Variants in ATF7 observed in about 807,000 individuals in gnomAD.
The protein encoded by ATF7 is cyclic AMP-dependent transcription factor ATF-7.
A neutral mutation model predicts 50.4 loss-of-function variants in ATF7; 10 were observed. The observed-to-expected ratio is 0.20, with a 90% confidence interval of 0.12 to 0.34. The LOEUF (loss-of-function observed/expected upper bound fraction) is 0.34. ATF7 is among the 10% of genes least tolerant of loss of function. The probability of loss-of-function intolerance (pLI) is 1.00; values close to 1 mark genes in which losing one functional copy is unlikely to be tolerated. For missense variants in ATF7, 465 were observed against 613.9 expected, an observed-to-expected ratio of 0.76 and a Z score of 2.56; for synonymous variants, 201 against 226.4, an observed-to-expected ratio of 0.89 and a Z score of 1.01.
intron 1 of ATF7, among the ~76,000 whole-genome samples, chr12:53,608,370 CA>C (rs1943704910): frequency 6.6e-6 from 1 of 151,956 alleles, no homozygotes; most frequent in African/African-American, 2.4e-5. Flanking sequence ...AAATTAAGTT[CA>C]AAAAGGACCA....
chr12:53,546,383 A>AAAAAACG (rs1939912990), intron 3 of ATF7, among the ~76,000 whole-genome samples: 2 of 152,272 alleles, frequency 1.3e-5, no homozygotes, highest in Admixed American at 6.5e-5. Context: ...CAAAAAAAAC[A>AAAAAACG]AAAAACAGGA....
intron 2 of ATF7, among the ~76,000 whole-genome samples, chr12:53,582,444 T>A (rs1942471475): frequency 6.6e-6 from 1 of 151,612 alleles, no homozygotes; most frequent in African/African-American, 2.4e-5. Context: ...GAGACCAGCC[T>A]GGGGAACATA....
At chr12:53,543,092 T>C (rs1352141764) in intron 4 of ATF7, 5 of 1,397,760 alleles carry the variant, frequency 3.6e-6, no homozygotes, top group Non-Finnish European at 4.6e-6. Context: ...AATACTCCCC[T>C]GGAAGAACAA....
chr12:53,606,981 G>C (rs1943640679), intron 1 of ATF7, among the ~76,000 whole-genome samples: 1 of 151,996 alleles, frequency 6.6e-6, no homozygotes, highest in African/African-American at 2.4e-5. Context: ...ATTTAGGTTG[G>C]TTCCAAGTCT....
At chr12:53,612,207 C>T (rs1358616502) in intron 1 of ATF7, among the ~76,000 whole-genome samples, 1 of 152,100 alleles carries the variant, frequency 6.6e-6, no homozygotes, top group Non-Finnish European at 1.5e-5. Flanking sequence ...AACTCCTGAC[C>T]TCAAGTGATC....
At chr12:53,569,443 T>C (rs1941628004) in intron 2 of ATF7, among the ~76,000 whole-genome samples, 1 of 152,268 alleles carries the variant, frequency 6.6e-6, no homozygotes, top group Admixed American at 6.5e-5. Flanking sequence ...AACTTCTATT[T>C]ACCTTTCAAA....
chr12:53,602,988 TC>T (rs1240658664), intron 1 of ATF7, among the ~76,000 whole-genome samples: 1 of 152,212 alleles, frequency 6.6e-6, no homozygotes, highest in Non-Finnish European at 1.5e-5. Context: ...TCACTACATG[TC>T]CCAGAATCTG....
chr12:53,572,582 A>C lies in ATF7; in HGVS notation c.49-19945T>G, dbSNP rs1000482864. Among the ~76,000 whole-genome samples the C allele has an allele frequency of 5.9e-5, 9 of 152,306 alleles. No homozygotes were observed. The South Asian group carries it at 1.7e-3, about 28-fold the overall frequency. On this transcript the variant is annotated intron_variant, in intron 2 of 11. Transcript: ENST00000420353. ...TTGGCGGGGGGAAAGGGAAAAGTAC[A>C]GTAGCCTCCCCTTACCCGTGGTTTC...
chr12:53,619,035 T>C lies in ATF7; in HGVS notation c.-22+7244A>G, dbSNP rs1193315802. 5.0e-5 allele frequency among the ~76,000 whole-genome samples: 7 copies of C among 139,476 alleles called. No individual in the cohort carries two copies. In the Admixed American group the frequency reaches 5.2e-4, roughly 10 times the overall value. The allele number at this position is 139,476 out of a possible 152,430, so 91.5% of individuals were successfully genotyped here. On this transcript the variant is annotated intron_variant, in intron 1 of 11. Transcript: ENST00000420353. Reference sequence around the variant, plus strand: ...CCACTGCACTCCAGCCTGGCTGACATAGCAAGACTCTGTCTCCAAAAAAAA... The same window carrying C: ...CCACTGCACTCCAGCCTGGCTGACACAGCAAGACTCTGTCTCCAAAAAAAA...
intron 2 of ATF7, among the ~76,000 whole-genome samples, chr12:53,564,042 A>G (rs1941302961): frequency 6.6e-6 from 1 of 152,164 alleles, no homozygotes; most frequent in African/African-American, 2.4e-5. Flanking sequence ...TCACTTTCTT[A>G]GGGTATCTGA....
At position 53,524,602 on chromosome 12, in the gene ATF7, T is replaced by C; in HGVS notation, c.1087A>G (p.Lys363Glu). The C allele has an allele frequency of 6.2e-7, 1 of 1,613,990 alleles. No homozygotes were observed. Among genetic ancestry groups the C allele is most frequent in the Non-Finnish European group, 8.5e-7 (1 of 1,179,896 alleles). Residue 363 changes from lysine to glutamate, a missense_variant, in exon 10 of 12, where the codon AAG becomes GAG. Transcript: ENST00000420353. The surrounding 1 kb of genome is among the most constrained non-coding windows in gnomAD (Gnocchi z 4.6). ...RKLWVSSLEK[K>E]AEELTSQNIQ... is the part of the protein sequence containing the mutation. ...TTCTGAGAAGTGAGTTCTTCGGCCT[T>C]CTTCTCTAGGGAGGACACCCACAGC...
intron 3 of ATF7, among the ~76,000 whole-genome samples, chr12:53,550,331 A>AAAAATAAAT (rs1214452844): frequency 2.4e-5 from 3 of 123,650 alleles, no homozygotes; most frequent in African/African-American, 3.3e-5. Flanking sequence ...CTCAAAAAAA[A>AAAAATAAAT]AAATAAATAA....
intron 2 of ATF7, among the ~76,000 whole-genome samples, chr12:53,560,502 G>A (rs1193184830): frequency 6.6e-6 from 1 of 152,162 alleles, no homozygotes; most frequent in East Asian, 1.9e-4. Context: ...GAATCTAACA[G>A]TTTCAAGCTA....
Position 53,579,546 on chromosome 12 carries a change from C to T in ATF7, c.48+21407G>A, listed in dbSNP as rs539456177. Among the ~76,000 whole-genome samples, 179 of 143,554 alleles carry T rather than the reference C, an allele frequency of 1.2e-3. 1 individual carries two copies. Among genetic ancestry groups the T allele is most frequent in the African/African-American group, 3.8e-3 (144 of 37,834 alleles). 94.2% of individuals were successfully genotyped at this position (143,554 alleles called of 152,430 possible). The stretch of plus-strand genomic sequence containing the variant: ...CACCCTGGGAGACAGTGCGAAACTC[C>T]GTCTCAAAAAAAAAAAAAAAAAAGC... On this transcript the variant is annotated intron_variant, in intron 2 of 11. Transcript: ENST00000420353.
chr12:53,560,944 CTTTCTT>C (rs1360055288), intron 2 of ATF7, among the ~76,000 whole-genome samples: 1 of 147,504 alleles, frequency 6.8e-6, no homozygotes, highest in Non-Finnish European at 1.5e-5. Flanking sequence ...TTTTTCTTTT[CTTTCTT>C]TTTTTTTTTT....
intron 2 of ATF7, among the ~76,000 whole-genome samples, chr12:53,561,872 T>C (rs1941138265): frequency 6.6e-6 from 1 of 152,170 alleles, no homozygotes; most frequent in Non-Finnish European, 1.5e-5. Flanking sequence ...ATATGCTGCA[T>C]GTGTGAGCGA....
chr12:53,575,369 T>C (rs947477597), intron 2 of ATF7, among the ~76,000 whole-genome samples: 1 of 149,880 alleles, frequency 6.7e-6, no homozygotes, highest in African/African-American at 2.5e-5. Flanking sequence ...ATTGTGCCAT[T>C]GCACTCCAGC....
rs142050538 is a variant in ATF7, at chr12:53,587,275, G to A, written c.48+13678C>T. The stretch of plus-strand genomic sequence containing the variant: ...CCAGCTACTTGGGAGGCTGAGGCAG[G>A]AGAATCACTTGAACCTGGGAAGTGG... On this transcript the variant is annotated intron_variant, in intron 2 of 11. Transcript: ENST00000420353. Among the ~76,000 whole-genome samples the A allele has an allele frequency of 3.5e-3, 521 of 148,776 alleles. 2 individuals are homozygous for A. The highest frequency in any genetic ancestry group is 0.011 in the Middle Eastern group (3 of 280).
chr12:53,524,894 T>A lies in ATF7; in HGVS notation c.928-133A>T. 1 of 843,656 alleles carries A rather than the reference T, an allele frequency of 1.2e-6. No individual in the cohort carries two copies. Among genetic ancestry groups the A allele is most frequent in the Non-Finnish European group, 1.8e-6 (1 of 569,548 alleles). 52.3% of individuals were successfully genotyped at this position (843,656 alleles called of 1,614,324 possible). On this transcript the variant is annotated intron_variant, in intron 9 of 11. Transcript: ENST00000420353. The surrounding 1 kb of genome is among the most constrained non-coding windows in gnomAD (Gnocchi z 4.6). ...CTCTGGTAACCACAGCAAGTCTCAT[T>A]ACTATGTCCCCAAGCTTCCCTTTTG...
Sources: allele counts gnomAD v4.1 joint callset (sites outside exome capture counted in the v4.1 genomes callset), GRCh38; gene constraint gnomAD v4.1.1; non-coding constraint Gnocchi (gnomAD v3.1); transcripts MANE v1.5; gene names NCBI Gene and HGNC (gene_info 2026-07-23, HGNC 2026-07-21).